Variants in TIAM2 observed in about 807,000 individuals in gnomAD.
TIAM2 encodes rho guanine nucleotide exchange factor TIAM2.
A neutral mutation model predicts 152.9 loss-of-function variants in TIAM2; 80 were observed. The ratio of observed to expected loss-of-function variants is 0.52; its 90% CI spans 0.44 to 0.63. The LOEUF is 0.63. Among genes scored for constraint, TIAM2 ranks in the 30% least tolerant of loss-of-function variants. The pLI is 0.00. For synonymous variants in TIAM2, 804 were observed against 838.0 expected, an observed-to-expected ratio of 0.96 and a Z score of 0.70; for missense variants, 1,965 against 2,120.1, an observed-to-expected ratio of 0.93 and a Z score of 1.44.
In TIAM2 at chr6:155,149,367, G is replaced by C. The variant is rs138502072; in HGVS notation, c.2028+1033G>C. 225 of 167,130 alleles carry C rather than the reference G, an allele frequency of 1.3e-3. 1 individual carries two copies. Among genetic ancestry groups the C allele is most frequent in the African/African-American group, 5.3e-3 (219 of 41,578 alleles). 10.4% of individuals were successfully genotyped at this position (167,130 alleles called of 1,614,324 possible). Reference sequence around the variant, plus strand: ...CAGTTGTCAAATGACCTGGGAACTTGAATGAGGAATGGGATGAAGATAGAT... The same window carrying C: ...CAGTTGTCAAATGACCTGGGAACTTCAATGAGGAATGGGATGAAGATAGAT... On this transcript the variant is annotated intron_variant, in intron 7 of 26. Coordinates refer to ENST00000682666, the MANE Select transcript of TIAM2 (RefSeq NM_012454.4).
chr6:155,058,487 G>T (rs1210175717), intron 1 of TIAM2, among the ~76,000 whole-genome samples: 1 of 152,158 alleles, frequency 6.6e-6, no homozygotes, highest in Admixed American at 6.5e-5. Flanking sequence ...GCTATACAAA[G>T]CACTGAAATA....
intron 15 of TIAM2, among the ~76,000 whole-genome samples, chr6:155,238,314 A>T (rs1302613304): frequency 6.6e-6 from 1 of 152,202 alleles, no homozygotes; most frequent in Admixed American, 6.5e-5. Context: ...CATCTTTGTC[A>T]AACCCATTCA....
intron 1 of TIAM2, among the ~76,000 whole-genome samples, chr6:155,046,119 C>T (rs569612007): frequency 2.0e-5 from 3 of 151,972 alleles, no homozygotes; most frequent in South Asian, 2.1e-4. Flanking sequence ...TCCCACCTCC[C>T]GAGGTTTGGG....
rs138301724 is a variant in TIAM2 at position 155,249,973 on chromosome 6, C to T, written c.3951+4C>T. 9.6e-5 allele frequency: 154 copies of T among 1,609,082 alleles called. 1 individual carries two copies. The African/African-American group carries it at 1.5e-3, about 16-fold the overall frequency. On this transcript the variant is annotated splice_donor_region_variant and intron_variant, in intron 21 of 26. Coordinates refer to ENST00000682666, the MANE Select transcript of TIAM2 (RefSeq NM_012454.4). ...GCAGAGCGGAACAGAGAAGGAGGTC[C>T]GTGAGACATCTGCACCCTGGGAGCC...
At chr6:155,091,287 G>A (rs559789250) in intron 2 of TIAM2, among the ~76,000 whole-genome samples, 5 of 152,176 alleles carry the variant, frequency 3.3e-5, no homozygotes, top group Admixed American at 2.0e-4. Flanking sequence ...TTTATGTATC[G>A]GCTTGTTGTC....
At chr6:155,168,626 G>A (rs1780500414) in intron 9 of TIAM2, among the ~76,000 whole-genome samples, 1 of 152,022 alleles carries the variant, frequency 6.6e-6, no homozygotes. Flanking sequence ...CAAAGTGCTG[G>A]GATTACAGGC....
intron 1 of TIAM2, among the ~76,000 whole-genome samples, chr6:155,051,508 A>G (rs1399645110): frequency 2.0e-5 from 3 of 152,214 alleles, no homozygotes; most frequent in African/African-American, 7.2e-5. Flanking sequence ...TGCACTGTTA[A>G]TAATGAGTAG....
intron 1 of TIAM2, among the ~76,000 whole-genome samples, chr6:155,063,653 A>G (rs1180693305): frequency 6.6e-6 from 1 of 151,932 alleles, no homozygotes; most frequent in Non-Finnish European, 1.5e-5. Context: ...GTGGTGGTAC[A>G]TGCCTGCTGT....
At chr6:155,219,628 A>T (rs745536) in intron 15 of TIAM2, among the ~76,000 whole-genome samples, 93,080 of 149,746 alleles carry the variant, frequency 0.62, 29,175 homozygotes, top group Admixed American at 0.75. Flanking sequence ...TTTTTTTTTA[A>T]AAAATTTCCT....
At chr6:155,074,681 A>G (rs1015619030) in intron 1 of TIAM2, among the ~76,000 whole-genome samples, 4 of 151,956 alleles carry the variant, frequency 2.6e-5, no homozygotes, top group Non-Finnish European at 4.4e-5. Context: ...TGTTCTTCCA[A>G]ATTATTATCA....
chr6:155,013,620 G>A lies in TIAM2; in HGVS notation c.-209+18128G>A, dbSNP rs574076781. 4 of 152,200 alleles carry A rather than the reference G, an allele frequency of 2.6e-5. No homozygotes were observed. In the East Asian group the frequency reaches 7.7e-4, roughly 29 times the overall value. 9.4% of individuals were successfully genotyped at this position (152,200 alleles called of 1,614,324 possible). ...ATCCTTCCTCCCAACTCTTTCTAGG[G>A]AGGGGGAAGGGCACAGAGCCCATGT... is the stretch of plus-strand genomic sequence containing the variant. On this transcript the variant is annotated intron_variant, in intron 1 of 26. Coordinates refer to ENST00000682666, the MANE Select transcript of TIAM2 (RefSeq NM_012454.4).
chr6:155,243,274 T>G (rs1024708644), intron 16 of TIAM2, among the ~76,000 whole-genome samples: 1 of 152,096 alleles, frequency 6.6e-6, no homozygotes, highest in Non-Finnish European at 1.5e-5. Flanking sequence ...AACTTGACCC[T>G]CCCAGCTCCA....
intron 9 of TIAM2, among the ~76,000 whole-genome samples, chr6:155,172,979 G>A (rs1334959380): frequency 1.3e-5 from 2 of 151,944 alleles, no homozygotes; most frequent in African/African-American, 2.4e-5. Context: ...AACTTGGATA[G>A]CATTGACCTT....
intron 15 of TIAM2, among the ~76,000 whole-genome samples, chr6:155,236,313 C>A (rs1411271359): frequency 1.3e-5 from 2 of 151,872 alleles, no homozygotes; most frequent in African/African-American, 2.4e-5. Context: ...GAAGAGTAGA[C>A]CAGCAGTTCT....
At chr6:155,057,885 C>G (rs1473960662) in intron 1 of TIAM2, among the ~76,000 whole-genome samples, 1 of 152,062 alleles carries the variant, frequency 6.6e-6, no homozygotes, top group African/African-American at 2.4e-5. Context: ...TCCGCACAGT[C>G]CACACATAAG....
chr6:155,131,215 C>T (rs1289307980), intron 4 of TIAM2, among the ~76,000 whole-genome samples: 1 of 152,098 alleles, frequency 6.6e-6, no homozygotes, highest in African/African-American at 2.4e-5. Context: ...CAAAAATTAG[C>T]CTGGCGTGGT....
Position 155,245,726 on chromosome 6 carries a change from A to G in TIAM2, c.3647A>G (p.Glu1216Gly), listed in dbSNP as rs1783279270. 3 of 1,544,176 alleles carry G rather than the reference A, an allele frequency of 1.9e-6. No homozygotes were observed. The African/African-American group carries it at 4.2e-5, about 21-fold the overall frequency. The change falls in exon 19 of 27, where the codon GAG (glutamate) becomes GGG (glycine). Residue 1216 changes from glutamate (E) to glycine (G), a missense_variant. This residue lies in a region of TIAM2 where 935 missense variants were observed against 980.0 expected (regional missense o/e 0.95). Coordinates refer to ENST00000682666, the MANE Select transcript of TIAM2 (RefSeq NM_012454.4). ...ANHIKVQKVL[E>G]RAKTDKAFKA... ...CATATCAAAGTACAGAAGGTTCTGG[A>G]GCGAGGTAAGTTGCTTATGCCTTTT...
intron 7 of TIAM2, among the ~76,000 whole-genome samples, chr6:155,155,349 G>C (rs1780079630): frequency 6.6e-6 from 1 of 152,030 alleles, no homozygotes; most frequent in African/African-American, 2.4e-5. Flanking sequence ...GGTAATTTTT[G>C]TATTTTAGTA....
chr6:154,999,967 G>A (rs1026041964), intron 1 of TIAM2, among the ~76,000 whole-genome samples: 4 of 152,026 alleles, frequency 2.6e-5, no homozygotes, highest in African/African-American at 4.8e-5. Context: ...GTGAGCCACC[G>A]CGCCCAACCT....
Sources: gnomAD v4.1 joint callset for allele counts (sites outside exome capture counted in the v4.1 genomes callset) on GRCh38, gnomAD v4.1.1 for gene constraint, gnomAD v4.1.1 regional missense constraint, MANE v1.5 for transcripts, NCBI Gene and HGNC (gene_info 2026-07-23, HGNC 2026-07-21) for gene names.